Variants in TAFA1 observed in about 807,000 individuals in gnomAD.
The protein encoded by TAFA1 is chemokine-like protein TAFA-1.
Under a neutral mutation model 18.5 loss-of-function variants are expected in TAFA1, and 4 were observed. The observed-to-expected ratio is 0.22, with a 90% CI of 0.11 to 0.49. The LOEUF (loss-of-function observed/expected upper bound fraction) is 0.49. Ranked by LOEUF, TAFA1 falls within the 20% of genes least tolerant of loss-of-function variation. TAFA1 has a pLI of 0.98. For synonymous variants in TAFA1, 56 were observed against 55.2 expected (o/e 1.01, Z -0.06); for missense variants, 147 against 169.0 (o/e 0.87, Z 0.72).
In TAFA1 at chr3:68,268,854, G is replaced by T. The variant is rs575024389; in HGVS notation, c.119-148426G>T. Among the ~76,000 whole-genome samples, 38 of 152,184 alleles carry T rather than the reference G, an allele frequency of 2.5e-4. 1 individual carries two copies. The highest frequency in any genetic ancestry group is 8.7e-4 in the African/African-American group (36 of 41,520). On this transcript the variant is annotated intron_variant, in intron 2 of 4. Coordinates refer to ENST00000478136, the MANE Select transcript of TAFA1 (RefSeq NM_213609.4). ...TAAAAAAGATGTAAACTTTCAGAGT[G>T]GCTGACACAAACTCATTACACTAAG...
the TAFA1 span, among the ~76,000 whole-genome samples, chr3:67,998,412 A>C: frequency 6.6e-6 from 1 of 151,940 alleles, no homozygotes; most frequent in Non-Finnish European, 1.5e-5. Flanking sequence ...ACCCTCCCCC[A>C]CTGCATGCAT....
chr3:68,085,904 G>C (rs368097334), intron 2 of TAFA1, among the ~76,000 whole-genome samples: 2 of 152,150 alleles, frequency 1.3e-5, no homozygotes, highest in African/African-American at 4.8e-5. Context: ...TGCCTGAACA[G>C]GTGTGCCCAA....
Position 68,469,012 on chromosome 3 carries a change from T to G in TAFA1, c.259+51592T>G, listed in dbSNP as rs180964361. 7.2e-5 allele frequency among the ~76,000 whole-genome samples: 11 copies of G among 152,236 alleles called. No homozygotes were observed. The East Asian group carries it at 2.1e-3, about 29-fold the overall frequency. On this transcript the variant is annotated intron_variant, in intron 3 of 4. Coordinates refer to ENST00000478136, the MANE Select transcript of TAFA1 (RefSeq NM_213609.4). ...AAGAAAAGAAAGAAAAAGAAATGAG[T>G]AATACATCTCAATGGTTCAAACTGA...
chr3:68,122,822 ATG>A (rs1389758302), intron 2 of TAFA1, among the ~76,000 whole-genome samples: 8 of 150,956 alleles, frequency 5.3e-5, no homozygotes, highest in South Asian at 2.1e-4. Context: ...GTGTGTGTGT[ATG>A]TGTGTGTGTA....
At chr3:68,172,781 T>C (rs948353168) in intron 2 of TAFA1, among the ~76,000 whole-genome samples, 4 of 152,114 alleles carry the variant, frequency 2.6e-5, no homozygotes, top group Non-Finnish European at 5.9e-5. Context: ...GGGCGCATAA[T>C]AGATTATTTA....
chr3:68,367,197 G>A (rs1002274233), intron 2 of TAFA1, among the ~76,000 whole-genome samples: 1 of 152,172 alleles, frequency 6.6e-6, no homozygotes, highest in Non-Finnish European at 1.5e-5. Context: ...CTTTAAGTGG[G>A]ATGTTTCTGG....
intron 2 of TAFA1, among the ~76,000 whole-genome samples, chr3:68,237,727 A>C (rs1243141514): frequency 6.6e-6 from 1 of 152,228 alleles, no homozygotes; most frequent in Non-Finnish European, 1.5e-5. Context: ...TTAAAAAGTC[A>C]AAGTGTATTC....
chr3:68,349,663 T>A (rs1427063577), intron 2 of TAFA1, among the ~76,000 whole-genome samples: 3 of 152,112 alleles, frequency 2.0e-5, no homozygotes, highest in African/African-American at 4.8e-5. Context: ...TCACAAACAC[T>A]TAACTCTGCC....
intron 2 of TAFA1, among the ~76,000 whole-genome samples, chr3:68,149,891 G>A (rs984677074): frequency 5.3e-5 from 8 of 152,182 alleles, no homozygotes; most frequent in Admixed American, 2.0e-4. Context: ...ATAGAAGTTA[G>A]AGGCATAGGA....
At chr3:68,313,861 G>A (rs956810736) in intron 2 of TAFA1, among the ~76,000 whole-genome samples, 5 of 152,332 alleles carry the variant, frequency 3.3e-5, no homozygotes, top group African/African-American at 4.8e-5. Flanking sequence ...ATAGAAGCTA[G>A]AAGTGGAGAA....
At chr3:68,356,459 G>A (rs1006914070) in intron 2 of TAFA1, among the ~76,000 whole-genome samples, 1 of 151,790 alleles carries the variant, frequency 6.6e-6, no homozygotes, top group East Asian at 1.9e-4. Flanking sequence ...ACAATCTCAG[G>A]TACAGTAAAA....
At chr3:68,325,739 GTTAA>G (rs1372121469) in intron 2 of TAFA1, among the ~76,000 whole-genome samples, 7 of 152,284 alleles carry the variant, frequency 4.6e-5, no homozygotes, top group African/African-American at 1.7e-4. Flanking sequence ...CCATAGTTGT[GTTAA>G]TCATAATAGC....
At chr3:68,510,731 C>T (rs986450295) in intron 3 of TAFA1, among the ~76,000 whole-genome samples, 1 of 152,098 alleles carries the variant, frequency 6.6e-6, no homozygotes, top group Non-Finnish European at 1.5e-5. Flanking sequence ...GGCAGATGTA[C>T]ACTGGGGAAT....
At chr3:68,348,037 G>C (rs2069195687) in intron 2 of TAFA1, among the ~76,000 whole-genome samples, 1 of 152,080 alleles carries the variant, frequency 6.6e-6, no homozygotes, top group African/African-American at 2.4e-5. Context: ...CCCTGATGTT[G>C]ATTCCTCAGA....
At chr3:68,290,449 G>A (rs1398945786) in intron 2 of TAFA1, among the ~76,000 whole-genome samples, 1 of 151,948 alleles carries the variant, frequency 6.6e-6, no homozygotes, top group Non-Finnish European at 1.5e-5. Context: ...CCTTTCTCAA[G>A]GGCAGTTCCC....
At chr3:68,117,233 G>C (rs1303518026) in intron 2 of TAFA1, among the ~76,000 whole-genome samples, 1 of 152,046 alleles carries the variant, frequency 6.6e-6, no homozygotes, top group East Asian at 1.9e-4. Context: ...CTGGGGTTTT[G>C]GTTATGCTAA....
At chr3:68,013,898 T>TCTGCC (rs1704522009) in intron 2 of TAFA1, among the ~76,000 whole-genome samples, 1 of 152,204 alleles carries the variant, frequency 6.6e-6, no homozygotes, top group Admixed American at 6.5e-5. Context: ...TGCCTATTCA[T>TCTGCC]TAAGCAGATC....
intron 3 of TAFA1, among the ~76,000 whole-genome samples, chr3:68,517,111 A>G (rs549701453): frequency 6.6e-6 from 1 of 152,256 alleles, no homozygotes; most frequent in East Asian, 1.9e-4. Context: ...TCCTTTTGCT[A>G]CATTGAAGGA....
Position 68,175,898 on chromosome 3 carries a change from A to G in TAFA1, c.118+169154A>G, listed in dbSNP as rs550068690. Among the ~76,000 whole-genome samples, 9 of 152,138 alleles carry G rather than the reference A, an allele frequency of 5.9e-5. No homozygotes were observed. The South Asian group carries it at 1.9e-3, about 32-fold the overall frequency. ...TGAATTCCCACATGTGGTGGGAGGGACCCAGTGGGAGGTAACTGAATCATG... is the reference window on the plus strand; with the variant it reads ...TGAATTCCCACATGTGGTGGGAGGGGCCCAGTGGGAGGTAACTGAATCATG... On this transcript the variant is annotated intron_variant, in intron 2 of 4. Coordinates refer to ENST00000478136, the MANE Select transcript of TAFA1 (RefSeq NM_213609.4).
Sources: allele counts gnomAD v4.1 joint callset (sites outside exome capture counted in the v4.1 genomes callset), GRCh38; gene constraint gnomAD v4.1.1; transcripts MANE v1.5; gene names NCBI Gene and HGNC (gene_info 2026-07-23, HGNC 2026-07-21).